PDZK1: variants seen among roughly 807,000 people sequenced by gnomAD.
PDZK1 encodes the protein PDZ domain containing 1.
Under a neutral mutation model 38.1 loss-of-function variants are expected in PDZK1, and 23 were observed. The ratio of observed to expected loss-of-function variants is 0.60; its 90% CI spans 0.43 to 0.85. The LOEUF is 0.85. Ranked by LOEUF, PDZK1 falls within the 40% of genes least tolerant of loss-of-function variation. The pLI is 0.00. For missense variants in PDZK1, 297 were observed against 504.3 expected, an observed-to-expected ratio of 0.59 and a Z score of 3.94; for synonymous variants, 98 against 186.2, an observed-to-expected ratio of 0.53 and a Z score of 3.86.
At chr1:145,691,758 C>T (rs1257337907) in intron 1 of PDZK1, 3 of 151,854 alleles carry the variant, frequency 2.0e-5, no homozygotes, top group Middle Eastern at 3.4e-3. Context: ...TGCTGTGAGC[C>T]GAGATCGCAC....
chr1:145,682,689 G>C, intron 3 of PDZK1, 53 bp from the exon 4 acceptor site: 1 of 1,420,634 alleles, frequency 7.0e-7, no homozygotes, highest in East Asian at 2.4e-5. Context: ...ACTCCCTCTT[G>C]GATGGTAATC....
intron 3 of PDZK1, among the ~76,000 whole-genome samples, chr1:145,684,541 G>C (rs587617244): frequency 7.2e-5 from 11 of 152,212 alleles, no homozygotes; most frequent in Admixed American, 1.3e-4. Context: ...CATAACATTT[G>C]TACATATTTA....
chr1:145,697,099 G>A (rs587621945), intron 1 of PDZK1, among the ~76,000 whole-genome samples: 2 of 152,276 alleles, frequency 1.3e-5, no homozygotes, highest in African/African-American at 2.4e-5. Context: ...AGGCCGAGGC[G>A]GGTAGATCAT....
At chr1:145,686,851 G>T (rs1260290814) in intron 2 of PDZK1, 125 bp from the exon 3 acceptor site, 1 of 836,530 alleles carries the variant, frequency 1.2e-6, no homozygotes, top group Non-Finnish European at 1.9e-6. Flanking sequence ...CACCCAAGTA[G>T]AAGCAGGTAG....
chr1:145,674,995 T>G (rs1270986735), intron 6 of PDZK1, among the ~76,000 whole-genome samples: 1 of 152,182 alleles, frequency 6.6e-6, no homozygotes, highest in East Asian at 1.9e-4. Context: ...ATTCCAACCC[T>G]TTGCTGCTTG....
At chr1:145,672,620 T>G (rs144559379) in intron 8 of PDZK1, 110 bp downstream of exon 8, 158 of 1,409,012 alleles carry the variant, frequency 1.1e-4, no homozygotes, top group Middle Eastern at 2.6e-4. Context: ...ACATTTTCAT[T>G]TTCTAGTTTT....
intron 6 of PDZK1, among the ~76,000 whole-genome samples, chr1:145,678,184 AT>A (rs1350423436): frequency 1.6e-5 from 1 of 63,124 alleles, no homozygotes; most frequent in Admixed American, 2.0e-4. Context: ...TTCTCCATAG[AT>A]TTTCTCAGAT....
intron 1 of PDZK1, among the ~76,000 whole-genome samples, chr1:145,698,782 A>G (rs1321029423): frequency 1.3e-5 from 2 of 151,880 alleles, no homozygotes; most frequent in African/African-American, 2.4e-5. Flanking sequence ...CACAAAAAAC[A>G]TTAGCCAGGT....
rs1262910770 is a variant in PDZK1, at chr1:145,671,353, C to A, written c.*83G>T. 1.1e-5 allele frequency: 18 copies of A among 1,603,982 alleles called. No individual in the cohort carries two copies. In the Admixed American group the frequency reaches 3.0e-4, roughly 27 times the overall value. ...TTCTAAAGAGACAGTAAACAGGTCA[C>A]AACTCATTCCTTGAGAAAGGATTCC... On this transcript the variant is annotated 3_prime_UTR_variant, in exon 9 of 9. Transcript: ENST00000417171.
At chr1:145,686,204 G>A (rs1654755694) in intron 3 of PDZK1, among the ~76,000 whole-genome samples, 1 of 152,142 alleles carries the variant, frequency 6.6e-6, no homozygotes, top group African/African-American at 2.4e-5. Flanking sequence ...GAGTCCTCAA[G>A]TGCCAGCCTG....
intron 3 of PDZK1, among the ~76,000 whole-genome samples, chr1:145,682,847 G>A (rs2624707): frequency 1.8e-4 from 27 of 152,236 alleles, no homozygotes; most frequent in East Asian, 1.4e-3. Context: ...TGGCTATTGC[G>A]GAGGGCTGCC....
intron 1 of PDZK1, among the ~76,000 whole-genome samples, chr1:145,705,735 C>A (rs1553705626): frequency 1.3e-5 from 2 of 152,052 alleles, no homozygotes; most frequent in Non-Finnish European, 2.9e-5. Flanking sequence ...CATCTTACAT[C>A]GTGTTTTTAA....
At chr1:145,692,564 A>C (rs1655302104) in intron 1 of PDZK1, among the ~76,000 whole-genome samples, 1 of 152,004 alleles carries the variant, frequency 6.6e-6, no homozygotes, top group South Asian at 2.1e-4. Context: ...TACAAAAATT[A>C]GCCAAGTATG....
intron 7 of PDZK1, 47 bp from the exon 8 acceptor site, chr1:145,673,067 C>G: frequency 1.4e-6 from 2 of 1,412,878 alleles, no homozygotes; most frequent in East Asian, 2.3e-5. Context: ...GAGAAGGGGA[C>G]ATCAGACTAG....
rs1654378530 is a variant in PDZK1, at chr1:145,682,625, C to T, written c.472G>A (p.Val158Met). Residue 158 changes from valine (V) to methionine (M), a missense_variant, in exon 4 of 9, where the codon GTG (valine) becomes ATG (methionine). Around this residue, in one of 5 missense-constraint regions of PDZK1, gnomAD observed 159 missense variants for 200.0 expected, o/e 0.79. Coordinates refer to ENST00000417171, the MANE Select transcript of PDZK1 (RefSeq NM_001201325.2). ...SLKTVQGKKGVYMTDITPQGV... is the reference protein window; with the variant it reads ...SLKTVQGKKGMYMTDITPQGV... Reference sequence around the variant, plus strand: ...TGAGGTGTAATATCAGTCATGTACACCCCCTTTTTACCTGGAAGAGAGTAG... The same window carrying T: ...TGAGGTGTAATATCAGTCATGTACATCCCCTTTTTACCTGGAAGAGAGTAG... 23 of 1,611,988 alleles carry T rather than the reference C, an allele frequency of 1.4e-5. No homozygotes were observed. The highest frequency in any genetic ancestry group is 1.8e-5 in the Non-Finnish European group (21 of 1,179,848).
intron 3 of PDZK1, among the ~76,000 whole-genome samples, chr1:145,683,022 G>C (rs1199063297): frequency 1.3e-5 from 2 of 152,166 alleles, no homozygotes; most frequent in Non-Finnish European, 2.9e-5. Context: ...GGATTTGCCT[G>C]CCTTGTCCTT....
At chr1:145,674,843 C>T (rs1399207622) in intron 6 of PDZK1, among the ~76,000 whole-genome samples, 2 of 152,130 alleles carry the variant, frequency 1.3e-5, no homozygotes, top group Admixed American at 1.3e-4. Context: ...CTAGATCTGT[C>T]TCTCTGGAGA....
rs782485077 is a variant in PDZK1 at position 145,672,756 on chromosome 1, G to A, written c.1480C>T (p.His494Tyr). ...CGTTCTTTTGCCATGTGCGAGTCATGGTTTGACTCCACCACTATTCCTTCT... is the reference window on the plus strand; with the variant it reads ...CGTTCTTTTGCCATGTGCGAGTCATAGTTTGACTCCACCACTATTCCTTCT... ...SKEGIVVESN[H>Y]DSHMAKERAH... Residue 494 changes from histidine (H) to tyrosine (Y), a missense_variant, in exon 8 of 9, where the codon CAT becomes TAT. Around this residue, in one of 5 missense-constraint regions of PDZK1, gnomAD observed 54 missense variants for 72.1 expected, o/e 0.75. Transcript: ENST00000417171. 4 of 1,611,908 alleles carry A rather than the reference G, an allele frequency of 2.5e-6. No homozygotes were observed. Among genetic ancestry groups the A allele is most frequent in the Non-Finnish European group, 2.5e-6 (3 of 1,179,790 alleles).
At chr1:145,706,531 G>A (rs1292465666) in intron 1 of PDZK1, among the ~76,000 whole-genome samples, 2 of 152,070 alleles carry the variant, frequency 1.3e-5, no homozygotes, top group Non-Finnish European at 1.5e-5. Context: ...CAGAGCCAAC[G>A]CCCAAATCTT....
Sources: gnomAD v4.1 joint callset for allele counts (sites outside exome capture counted in the v4.1 genomes callset) on GRCh38, gnomAD v4.1.1 for gene constraint, gnomAD v4.1.1 regional missense constraint, MANE v1.5 for transcripts, NCBI Gene and HGNC (gene_info 2026-07-23, HGNC 2026-07-21) for gene names.